AP3B1: variants seen among roughly 807,000 people sequenced by gnomAD.
The protein encoded by AP3B1 is AP-3 complex subunit beta-1.
AP3B1 carries 61 observed loss-of-function variants against 132.5 expected under a neutral mutation model. The ratio of observed to expected loss-of-function variants is 0.46; its 90% confidence interval spans 0.37 to 0.57. The LOEUF (loss-of-function observed/expected upper bound fraction) is 0.57. Ranked by LOEUF, AP3B1 falls within the 20% of genes least tolerant of loss-of-function variation. The probability of loss-of-function intolerance (pLI) is 0.00; values close to 1 mark genes in which losing one functional copy is unlikely to be tolerated. For synonymous variants in AP3B1, 388 were observed against 438.3 expected (o/e 0.89, Z 1.43); for missense variants, 1,120 against 1,289.4 (o/e 0.87, Z 2.01).
At chr5:78,202,167 T>C (rs759737021) in intron 7 of AP3B1, among the ~76,000 whole-genome samples, 7 of 152,172 alleles carry the variant, frequency 4.6e-5, no homozygotes, top group Non-Finnish European at 1.0e-4. Flanking sequence ...TCTGCCACCA[T>C]GTGAGACGTG....
At chr5:78,061,284 A>C (rs1580297752) in intron 22 of AP3B1, among the ~76,000 whole-genome samples, 1 of 152,208 alleles carries the variant, frequency 6.6e-6, no homozygotes, top group East Asian at 1.9e-4. Flanking sequence ...AAAAAAAGAC[A>C]GACATTAATT....
At chr5:78,264,815 T>A (rs946963635) in intron 2 of AP3B1, among the ~76,000 whole-genome samples, 3 of 152,256 alleles carry the variant, frequency 2.0e-5, no homozygotes, top group Non-Finnish European at 4.4e-5. Context: ...CTAATTTTCC[T>A]GTTTTGACAA....
intron 3 of AP3B1, among the ~76,000 whole-genome samples, chr5:78,234,961 GT>G (rs1024677647): frequency 6.6e-6 from 1 of 152,004 alleles, no homozygotes; most frequent in Non-Finnish European, 1.5e-5. Flanking sequence ...TAGTCTGGTT[GT>G]TTTTTTGGTG....
intron 18 of AP3B1, among the ~76,000 whole-genome samples, chr5:78,115,593 T>C (rs1371037351): frequency 2.0e-5 from 3 of 152,196 alleles, no homozygotes; most frequent in Non-Finnish European, 4.4e-5. Flanking sequence ...CTCTAAATCC[T>C]TCCTATTAAG....
At chr5:78,240,220 T>C (rs990763391) in intron 3 of AP3B1, among the ~76,000 whole-genome samples, 1 of 152,182 alleles carries the variant, frequency 6.6e-6, no homozygotes, top group Admixed American at 6.5e-5. Flanking sequence ...ATCTTTAATT[T>C]TATGGTGAGG....
chr5:78,133,729 T>C (rs138458976), intron 15 of AP3B1, among the ~76,000 whole-genome samples: 2 of 152,362 alleles, frequency 1.3e-5, no homozygotes, highest in African/African-American at 4.8e-5. Flanking sequence ...CAGTATAATG[T>C]ATTATCATTA....
chr5:78,047,552 AT>A (rs922866988), intron 22 of AP3B1, among the ~76,000 whole-genome samples: 11 of 151,554 alleles, frequency 7.3e-5, no homozygotes, highest in Admixed American at 6.6e-4. Context: ...GGGTTGTTTG[AT>A]TTTTTTTCTT....
At chr5:78,053,464 G>A (rs986741571) in intron 22 of AP3B1, among the ~76,000 whole-genome samples, 6 of 151,890 alleles carry the variant, frequency 4.0e-5, no homozygotes, top group African/African-American at 1.2e-4. Context: ...GGTGGATCAC[G>A]AGGTCAGGAG....
chr5:78,165,529 T>C, intron 12 of AP3B1, 81 bp downstream of exon 12: 1 of 964,088 alleles, frequency 1.0e-6, no homozygotes, highest in Non-Finnish European at 1.6e-6. Flanking sequence ...CATAATTACA[T>C]ATTTCTAGAT....
chr5:78,154,290 G>C (rs1000698548), intron 14 of AP3B1, among the ~76,000 whole-genome samples: 1 of 152,152 alleles, frequency 6.6e-6, no homozygotes, highest in African/African-American at 2.4e-5. Context: ...CCCCTGGCCT[G>C]TAAAGTTTCC....
intron 3 of AP3B1, among the ~76,000 whole-genome samples, chr5:78,230,608 A>G (rs1273775900): frequency 1.3e-5 from 2 of 152,022 alleles, no homozygotes; most frequent in African/African-American, 4.8e-5. Context: ...TATAACTTGC[A>G]CTCTTTATCT....
intron 2 of AP3B1, among the ~76,000 whole-genome samples, chr5:78,260,380 T>C (rs1748036590): frequency 6.6e-6 from 1 of 151,908 alleles, no homozygotes; most frequent in Non-Finnish European, 1.5e-5. Context: ...AGAGGTCAGA[T>C]CACCAGAGGT....
chr5:78,193,738 AT>A (rs370371072), intron 7 of AP3B1, among the ~76,000 whole-genome samples: 8 of 87,482 alleles, frequency 9.1e-5, no homozygotes, highest in East Asian at 2.7e-4. Flanking sequence ...ATTTGTATAT[AT>A]TTTTTTATAT....
At chr5:78,084,662 C>T (rs1207982049) in intron 22 of AP3B1, among the ~76,000 whole-genome samples, 1 of 151,276 alleles carries the variant, frequency 6.6e-6, no homozygotes, top group Non-Finnish European at 1.5e-5. Context: ...ACAAGTATTG[C>T]TTTTTGGGTA....
At chr5:78,098,042 C>T (rs1165660140) in intron 21 of AP3B1, among the ~76,000 whole-genome samples, 9 of 151,562 alleles carry the variant, frequency 5.9e-5, no homozygotes, top group East Asian at 1.9e-4. Flanking sequence ...GGATTAAGGG[C>T]GGTGCAAGAT....
chr5:78,292,782 G>A (rs576394010), intron 1 of AP3B1, among the ~76,000 whole-genome samples: 145 of 150,724 alleles, frequency 9.6e-4, no homozygotes, highest in African/African-American at 3.5e-3. Flanking sequence ...AATCCAACCT[G>A]TTAGGTCACC....
At chr5:78,116,986 A>T (rs1399499533) in intron 17 of AP3B1, among the ~76,000 whole-genome samples, 1 of 151,826 alleles carries the variant, frequency 6.6e-6, no homozygotes, top group Admixed American at 6.6e-5. Flanking sequence ...AGCCCAATAC[A>T]ACCATCCTTT....
chr5:78,064,809 T>TA (rs1749211952), intron 22 of AP3B1, among the ~76,000 whole-genome samples: 1 of 152,156 alleles, frequency 6.6e-6, no homozygotes, highest in East Asian at 1.9e-4. Flanking sequence ...TGCTAAGTAA[T>TA]AAAAGGAATG....
intron 6 of AP3B1, among the ~76,000 whole-genome samples, chr5:78,221,625 C>A (rs1345395170): frequency 6.7e-6 from 1 of 150,144 alleles, no homozygotes; most frequent in African/African-American, 2.5e-5. Context: ...AGAAAAAGAA[C>A]CAAAAGAATA....
Sources: allele counts gnomAD v4.1 joint callset (sites outside exome capture counted in the v4.1 genomes callset), GRCh38; gene constraint gnomAD v4.1.1; transcripts MANE v1.5; gene names NCBI Gene and HGNC (gene_info 2026-07-23, HGNC 2026-07-21).